CSMD1: variants seen among roughly 807,000 people sequenced by gnomAD.
CSMD1 encodes the protein CUB and sushi domain-containing protein 1.
CSMD1 carries 213 observed loss-of-function variants against 417.5 expected under a neutral mutation model. The observed-to-expected ratio is 0.51, with a 90% CI of 0.46 to 0.57. CSMD1 has a LOEUF of 0.57. Among genes scored for constraint, CSMD1 ranks in the 20% least tolerant of loss-of-function variants. The pLI is 0.00. For synonymous variants in CSMD1, 2,862 were observed against 1,736.8 expected (o/e 1.65, Z -16.11); for missense variants, 6,923 against 4,529.7 (o/e 1.53, Z -15.17).
intron 5 of CSMD1, among the ~76,000 whole-genome samples, chr8:3,887,536 C>A (rs1806647464): frequency 6.6e-6 from 1 of 152,160 alleles, no homozygotes; most frequent in African/African-American, 2.4e-5. Context: ...AATGTCCAGA[C>A]CTTAATCTCA....
At chr8:3,957,028 G>C (rs1211962029) in intron 5 of CSMD1, among the ~76,000 whole-genome samples, 1 of 151,932 alleles carries the variant, frequency 6.6e-6, no homozygotes, top group East Asian at 1.9e-4. Context: ...AGAGTGACAG[G>C]CCTATCTCAG....
At chr8:4,950,834 C>G (rs1416316467) in intron 1 of CSMD1, among the ~76,000 whole-genome samples, 6 of 152,040 alleles carry the variant, frequency 3.9e-5, no homozygotes, top group African/African-American at 1.2e-4. Context: ...TTAGGAGCAC[C>G]ACTCAACCAC....
chr8:3,521,752 C>T (rs1797517479), intron 10 of CSMD1, among the ~76,000 whole-genome samples: 1 of 152,174 alleles, frequency 6.6e-6, no homozygotes, highest in African/African-American at 2.4e-5. Flanking sequence ...AGTAAATTCT[C>T]ATTTATTGTA....
rs181787085 is a variant in CSMD1 at position 3,109,637 on chromosome 8, C to T, written c.6608+521G>A. ...TCCTCACTGCCCCAAGAACAAAGCC[C>T]AAGGCCTTCACATGCATTTCCAGGT... On this transcript the variant is annotated intron_variant, in intron 43 of 69. Coordinates refer to ENST00000635120, the MANE Select transcript of CSMD1 (RefSeq NM_033225.6). 1.1e-3 allele frequency among the ~76,000 whole-genome samples: 161 copies of T among 152,244 alleles called. 1 individual carries two copies. The highest frequency in any genetic ancestry group is 3.8e-3 in the African/African-American group (156 of 41,544).
At chr8:4,214,065 C>A (rs571415981) in intron 3 of CSMD1, among the ~76,000 whole-genome samples, 4 of 152,170 alleles carry the variant, frequency 2.6e-5, no homozygotes, top group Non-Finnish European at 4.4e-5. Flanking sequence ...CAATAAATAT[C>A]TGACCTACTG....
At chr8:4,501,028 C>A (rs1802234118) in intron 2 of CSMD1, among the ~76,000 whole-genome samples, 1 of 151,942 alleles carries the variant, frequency 6.6e-6, no homozygotes, top group Admixed American at 6.6e-5. Flanking sequence ...TTGGGAGTAA[C>A]TACCTTGGGT....
chr8:3,370,933 G>A (rs1031433911), intron 18 of CSMD1, among the ~76,000 whole-genome samples: 5 of 151,892 alleles, frequency 3.3e-5, no homozygotes, highest in East Asian at 3.9e-4. Context: ...CTGAGATCAC[G>A]CCATTGCACT....
intron 3 of CSMD1, among the ~76,000 whole-genome samples, chr8:4,166,496 A>C (rs1439727827): frequency 6.6e-6 from 1 of 152,212 alleles, no homozygotes; most frequent in Non-Finnish European, 1.5e-5. Context: ...TAAGTTAAGT[A>C]ACTCAGGAAT....
At chr8:3,916,859 T>A (rs1454134530) in intron 5 of CSMD1, among the ~76,000 whole-genome samples, 1 of 151,912 alleles carries the variant, frequency 6.6e-6, no homozygotes, top group East Asian at 1.9e-4. Context: ...GATAAGGACT[T>A]GCACCAAATA....
rs367980435 is a variant in CSMD1, at chr8:4,418,545, A to G, written c.415+1408T>C. 7.0e-4 allele frequency among the ~76,000 whole-genome samples: 107 copies of G among 152,310 alleles called. 1 individual carries two copies. In the Middle Eastern group the frequency reaches 0.034, roughly 48 times the overall value. On this transcript the variant is annotated intron_variant, in intron 3 of 69. Transcript: ENST00000635120. ...AGAAAAAAATGCCAAGTTTTCTAAA[A>G]TGTGGAAGCATTATCTATTTTCTGA...
At chr8:3,609,064 T>C (rs2117123511) in intron 8 of CSMD1, among the ~76,000 whole-genome samples, 1 of 152,308 alleles carries the variant, frequency 6.6e-6, no homozygotes. Context: ...TAATTATCTG[T>C]GTTACAAACT....
chr8:2,998,316 C>T (rs1240597770), intron 53 of CSMD1, 132 bp from the exon 54 acceptor site: 7 of 799,446 alleles, frequency 8.8e-6, no homozygotes, highest in Admixed American at 2.6e-5. Flanking sequence ...AGGCAGCTTA[C>T]AGATGGTATT....
chr8:4,243,136 G>C (rs1802499879), intron 3 of CSMD1, among the ~76,000 whole-genome samples: 1 of 152,076 alleles, frequency 6.6e-6, no homozygotes, highest in Non-Finnish European at 1.5e-5. Context: ...AAATTGAGCA[G>C]TTGGAAAAAG....
At chr8:4,338,857 G>A (rs190817316) in intron 3 of CSMD1, among the ~76,000 whole-genome samples, 7 of 152,058 alleles carry the variant, frequency 4.6e-5, no homozygotes, top group Non-Finnish European at 1.0e-4. Context: ...TTTGAAAGAA[G>A]AAATTATGGA....
Position 3,571,671 on chromosome 8 carries a change from G to A in CSMD1, c.1344+3274C>T, listed in dbSNP as rs73658199. 6.8e-3 allele frequency among the ~76,000 whole-genome samples: 1,029 copies of A among 152,122 alleles called. 8 individuals are homozygous for A. Among genetic ancestry groups the A allele is most frequent in the African/African-American group, 0.024 (984 of 41,512 alleles). On this transcript the variant is annotated intron_variant, in intron 10 of 69. Transcript: ENST00000635120. ...TGTTCTGCGCTCCCCGAGCTCGGGG[G>A]TCCTGTGTTCCTCCCTCCCCATGCT...
At chr8:3,835,496 C>G (rs1269537512) in intron 5 of CSMD1, among the ~76,000 whole-genome samples, 1 of 151,868 alleles carries the variant, frequency 6.6e-6, no homozygotes, top group Non-Finnish European at 1.5e-5. Flanking sequence ...CATGTTCTCA[C>G]TCATAGCTGG....
intron 2 of CSMD1, among the ~76,000 whole-genome samples, chr8:4,470,422 A>G (rs1219620792): frequency 2.0e-5 from 3 of 152,220 alleles, no homozygotes; most frequent in African/African-American, 7.2e-5. Context: ...ATTTCTTCAC[A>G]GAAGTGATAG....
intron 26 of CSMD1, among the ~76,000 whole-genome samples, chr8:3,279,841 G>A (rs1488057491): frequency 6.6e-6 from 1 of 152,084 alleles, no homozygotes; most frequent in East Asian, 1.9e-4. Context: ...TTATTGTCAT[G>A]AGAACAGCAT....
intron 2 of CSMD1, among the ~76,000 whole-genome samples, chr8:4,450,887 C>A (rs534492805): frequency 6.6e-6 from 1 of 151,870 alleles, no homozygotes; most frequent in Non-Finnish European, 1.5e-5. Context: ...AACCAGATTG[C>A]GCTAATATAA....
Sources: allele counts gnomAD v4.1 joint callset (sites outside exome capture counted in the v4.1 genomes callset), GRCh38; gene constraint gnomAD v4.1.1; transcripts MANE v1.5; gene names NCBI Gene and HGNC (gene_info 2026-07-23, HGNC 2026-07-21).